KLHL29: variants seen among roughly 807,000 people sequenced by gnomAD.
KLHL29 encodes the protein kelch like family member 29.
Under a neutral mutation model 80.4 loss-of-function variants are expected in KLHL29, and 21 were observed. The ratio of observed to expected loss-of-function variants is 0.26; its 90% CI spans 0.19 to 0.38. KLHL29 has a LOEUF of 0.38. KLHL29 is among the 10% of genes least tolerant of loss of function. KLHL29 has a pLI of 1.00. For missense variants in KLHL29, 867 were observed against 1,223.9 expected (o/e 0.71, Z 4.35); for synonymous variants, 511 against 526.8 (o/e 0.97, Z 0.41).
intron 5 of KLHL29, among the ~76,000 whole-genome samples, chr2:23,648,130 G>A (rs1311657149): frequency 6.6e-6 from 1 of 151,680 alleles, no homozygotes; most frequent in East Asian, 1.9e-4. Context: ...CCTGACCCAC[G>A]CCTCTGGGGA....
chr2:23,635,449 G>A (rs1243524026), intron 3 of KLHL29, among the ~76,000 whole-genome samples: 2 of 152,166 alleles, frequency 1.3e-5, no homozygotes, highest in Non-Finnish European at 2.9e-5. Flanking sequence ...CTGCTGCAGG[G>A]TGGAGGCCCC....
At chr2:23,671,196 A>C (rs565365868) in intron 5 of KLHL29, among the ~76,000 whole-genome samples, 1 of 151,664 alleles carries the variant, frequency 6.6e-6, no homozygotes, top group Non-Finnish European at 1.5e-5. Context: ...AAATCCTTTA[A>C]AACTATTTAT....
intron 2 of KLHL29, among the ~76,000 whole-genome samples, chr2:23,494,817 C>G (rs1029468752): frequency 1.2e-4 from 19 of 152,300 alleles, no homozygotes; most frequent in African/African-American, 4.6e-4. Flanking sequence ...GCTTTCCGGG[C>G]TCCTTCTGTC....
chr2:23,660,803 A>G (rs1322286806), intron 5 of KLHL29, among the ~76,000 whole-genome samples: 1 of 152,178 alleles, frequency 6.6e-6, no homozygotes, highest in Non-Finnish European at 1.5e-5. Context: ...AGGTGGGTGG[A>G]TCACCTGAGA....
intron 3 of KLHL29, among the ~76,000 whole-genome samples, chr2:23,570,205 T>C (rs950321888): frequency 2.6e-5 from 4 of 152,242 alleles, no homozygotes; most frequent in Non-Finnish European, 5.9e-5. Context: ...CAGAGACTGC[T>C]GTCACATGCC....
chr2:23,507,131 C>A (rs751939841), intron 2 of KLHL29: 2 of 443,820 alleles, frequency 4.5e-6, no homozygotes, highest in African/African-American at 4.0e-5. Context: ...TGGACCTGCA[C>A]GGGTGTGCCC....
At chr2:23,698,405 G>A (rs565364074) in intron 11 of KLHL29, among the ~76,000 whole-genome samples, 18 of 152,278 alleles carry the variant, frequency 1.2e-4, no homozygotes, top group African/African-American at 3.9e-4. Flanking sequence ...GACCCCCTTC[G>A]GGTAGGTTGC....
intron 3 of KLHL29, among the ~76,000 whole-genome samples, chr2:23,594,393 C>T (rs1668346087): frequency 6.6e-6 from 1 of 152,164 alleles, no homozygotes. Flanking sequence ...GACCCAAGAC[C>T]AGGGACATTT....
At chr2:23,513,010 C>T (rs1045075610) in intron 2 of KLHL29, among the ~76,000 whole-genome samples, 2 of 152,240 alleles carry the variant, frequency 1.3e-5, no homozygotes, top group African/African-American at 4.8e-5. Flanking sequence ...CTTGGGGAGT[C>T]CACTGTCAGC....
chr2:23,423,660 G>A (rs755366827), intron 1 of KLHL29, among the ~76,000 whole-genome samples: 7 of 152,158 alleles, frequency 4.6e-5, no homozygotes, highest in Non-Finnish European at 1.0e-4. Flanking sequence ...GCGGGCGGGG[G>A]TCCTGTGGGA....
In KLHL29 at chr2:23,640,830, G is replaced by A. The variant is rs556388774; in HGVS notation, c.428-1508G>A. Among the ~76,000 whole-genome samples the A allele has an allele frequency of 3.4e-4, 52 of 152,318 alleles. No individual in the cohort carries two copies. In the South Asian group the frequency reaches 1.0e-2, roughly 29 times the overall value. ...GAAGGGGCGATGCAGGCCTCGTACC[G>A]TGGTCTATGTGACTCCGAGCCTTGC... is the stretch of plus-strand genomic sequence containing the variant. On this transcript the variant is annotated intron_variant, in intron 4 of 13. Transcript: ENST00000486442.
intron 2 of KLHL29, among the ~76,000 whole-genome samples, chr2:23,535,007 G>T (rs984011170): frequency 6.6e-6 from 1 of 152,234 alleles, no homozygotes; most frequent in African/African-American, 2.4e-5. Context: ...CATGATTGGG[G>T]TGGTGGTTAG....
intron 11 of KLHL29, among the ~76,000 whole-genome samples, chr2:23,698,532 T>C (rs2149217670): frequency 6.6e-6 from 1 of 151,584 alleles, no homozygotes; most frequent in Non-Finnish European, 1.5e-5. Flanking sequence ...CAAATGGCTA[T>C]TATATTGATA....
intron 3 of KLHL29, among the ~76,000 whole-genome samples, chr2:23,566,965 TC>T (rs1304505251): frequency 6.6e-6 from 1 of 152,136 alleles, no homozygotes; most frequent in African/African-American, 2.4e-5. Context: ...CATTGGCCTG[TC>T]CCCATCCCCT....
Position 23,680,289 on chromosome 2 carries a change from G to T in KLHL29, c.941-4110G>T, listed in dbSNP as rs145426501. Reference sequence around the variant, plus strand: ...AGTCTGGGGAAGGCCTGCGGATTGCGGGCAGTGGACCGTCTTCCACGGGAA... The same window carrying T: ...AGTCTGGGGAAGGCCTGCGGATTGCTGGCAGTGGACCGTCTTCCACGGGAA... On this transcript the variant is annotated intron_variant, in intron 5 of 13. Transcript: ENST00000486442. This position sits in a 1 kb window ranked among gnomAD's most constrained non-coding sequence, Gnocchi z 4.1. Among the ~76,000 whole-genome samples, 3 of 152,114 alleles carry T rather than the reference G, an allele frequency of 2.0e-5. No homozygotes were observed. Among genetic ancestry groups the T allele is most frequent in the Non-Finnish European group, 4.4e-5 (3 of 68,032 alleles).
intron 2 of KLHL29, among the ~76,000 whole-genome samples, chr2:23,517,531 C>T (rs867087126): frequency 2.0e-5 from 3 of 152,338 alleles, no homozygotes; most frequent in South Asian, 2.1e-4. Context: ...GCCGACAGAG[C>T]GAGACTCCGT....
intron 3 of KLHL29, among the ~76,000 whole-genome samples, chr2:23,612,784 T>C (rs1668900399): frequency 2.6e-5 from 4 of 151,780 alleles, no homozygotes; most frequent in Admixed American, 2.6e-4. Context: ...CTGAAGGAAA[T>C]CCAAAAGTAC....
chr2:23,631,095 A>G (rs1490447662), intron 3 of KLHL29, among the ~76,000 whole-genome samples: 3 of 152,202 alleles, frequency 2.0e-5, no homozygotes, highest in Admixed American at 6.5e-5. Context: ...GGACAGGGCC[A>G]GGCCTGGGGC....
chr2:23,419,676 T>C (rs1171766269), intron 1 of KLHL29, among the ~76,000 whole-genome samples: 1 of 152,150 alleles, frequency 6.6e-6, no homozygotes, highest in Non-Finnish European at 1.5e-5. Context: ...AGGATAACAG[T>C]GGCCTTAACC....
Sources: allele counts gnomAD v4.1 joint callset (sites outside exome capture counted in the v4.1 genomes callset), GRCh38; gene constraint gnomAD v4.1.1; non-coding constraint Gnocchi (gnomAD v3.1); transcripts MANE v1.5; gene names NCBI Gene and HGNC (gene_info 2026-07-23, HGNC 2026-07-21).